The following TTC7B variants were observed in gnomAD, a reference collection of about 807,000 sequenced individuals.
TTC7B encodes tetratricopeptide repeat domain 7B, also known as tetratricopeptide repeat protein 7B.
TTC7B carries 28 observed loss-of-function variants against 106.8 expected under a neutral mutation model. The ratio of observed to expected loss-of-function variants is 0.26; its 90% CI spans 0.19 to 0.36. TTC7B has a LOEUF of 0.36. Ranked by LOEUF, TTC7B falls within the 10% of genes least tolerant of loss-of-function variation. TTC7B has a pLI of 1.00. For synonymous variants in TTC7B, 405 were observed against 430.6 expected, an observed-to-expected ratio of 0.94 and a Z score of 0.74; for missense variants, 862 against 1,076.4, an observed-to-expected ratio of 0.80 and a Z score of 2.79.
At chr14:90,623,196 C>T (rs1187931555) in intron 15 of TTC7B, among the ~76,000 whole-genome samples, 1 of 152,138 alleles carries the variant, frequency 6.6e-6, no homozygotes, top group Non-Finnish European at 1.5e-5. Flanking sequence ...AAATCATAAG[C>T]TACAAGCCAG....
chr14:90,585,680 C>T (rs117807673), intron 18 of TTC7B: 3,716 of 152,496 alleles, frequency 0.024, 57 homozygotes, highest in Non-Finnish European at 0.037. Flanking sequence ...CCCTACGCAG[C>T]TCCGCACATC....
intron 18 of TTC7B, 141 bp downstream of exon 18, chr14:90,593,345 G>C: frequency 8.0e-7 from 1 of 1,243,002 alleles, no homozygotes; most frequent in Non-Finnish European, 1.1e-6. Flanking sequence ...TTTGGTGCAT[G>C]GCCGTGAAGC....
rs151279829 is a variant in TTC7B, at chr14:90,708,010, G to A, written c.699-12432C>T. On this transcript the variant is annotated intron_variant, in intron 5 of 19. Coordinates refer to ENST00000328459, the MANE Select transcript of TTC7B (RefSeq NM_001010854.2). ...AAATACAAAAAATTAGCCAGGCGTGGTGATGGGTGCCTGTAATCCCAGCTA... is the reference window on the plus strand; with the variant it reads ...AAATACAAAAAATTAGCCAGGCGTGATGATGGGTGCCTGTAATCCCAGCTA... Among the ~76,000 whole-genome samples the A allele has an allele frequency of 6.3e-3, 959 of 152,130 alleles. 4 individuals carry two copies. Among genetic ancestry groups the A allele is most frequent in the Non-Finnish European group, 9.9e-3 (672 of 67,986 alleles).
At chr14:90,611,849 T>C (rs1269127080) in intron 16 of TTC7B, among the ~76,000 whole-genome samples, 1 of 152,236 alleles carries the variant, frequency 6.6e-6, no homozygotes, top group Non-Finnish European at 1.5e-5. Context: ...TGTATCGTGA[T>C]ATCCTATCAA....
intron 15 of TTC7B, among the ~76,000 whole-genome samples, chr14:90,625,197 A>G (rs1447562569): frequency 6.6e-6 from 1 of 152,230 alleles, no homozygotes; most frequent in Admixed American, 6.5e-5. Flanking sequence ...TGGTAAGAGA[A>G]GTCAAAAGAG....
chr14:90,556,184 G>A (rs369528974), intron 19 of TTC7B, among the ~76,000 whole-genome samples: 42 of 152,366 alleles, frequency 2.8e-4, no homozygotes, highest in African/African-American at 8.2e-4. Flanking sequence ...TGGGGGCCCC[G>A]TGGGGGCGGA....
chr14:90,714,120 C>T (rs147699625), intron 5 of TTC7B, among the ~76,000 whole-genome samples: 375 of 152,134 alleles, frequency 2.5e-3, no homozygotes, highest in Non-Finnish European at 4.7e-3. Flanking sequence ...ATCCCAGCTA[C>T]TTGGGAGGCT....
rs1419732477 is a variant in TTC7B at position 90,808,189 on chromosome 14, T to A, written c.121+7986A>T. Among the ~76,000 whole-genome samples, 1 of 152,322 alleles carries A rather than the reference T, an allele frequency of 6.6e-6. No individual in the cohort carries two copies. Among genetic ancestry groups the A allele is most frequent in the Middle Eastern group, 3.4e-3 (1 of 294 alleles). On this transcript the variant is annotated intron_variant, in intron 1 of 19. Transcript: ENST00000328459. This position sits in a 1 kb window ranked among gnomAD's most constrained non-coding sequence, Gnocchi z 4.2. ...GGCTGGGCACAGTGGCTCACGCCTG[T>A]AATCCCAGCACTTTGGGAGGCCGAG...
intron 2 of TTC7B, 143 bp downstream of exon 2, chr14:90,786,031 C>A (rs1001044064): frequency 1.0e-6 from 1 of 1,000,836 alleles, no homozygotes; most frequent in Non-Finnish European, 1.3e-6. Flanking sequence ...ATCCACCCAA[C>A]TGGGAGCTGG....
At position 90,578,279 on chromosome 14, in the gene TTC7B, C is replaced by T. The variant is rs556422393; in HGVS notation, c.2137G>A (p.Ala713Thr). 3 of 1,614,160 alleles carry T rather than the reference C, an allele frequency of 1.9e-6. No homozygotes were observed. The highest frequency in any genetic ancestry group is 2.2e-5 in the South Asian group (2 of 91,046). The change falls in exon 19 of 20, where the codon GCA becomes ACA. Residue 713 changes from alanine to threonine, a missense_variant. Coordinates refer to ENST00000328459, the MANE Select transcript of TTC7B (RefSeq NM_001010854.2). This position sits in a 1 kb window ranked among gnomAD's most constrained non-coding sequence, Gnocchi z 4.7. ...TCTTGGGTACAGGCTGTGGCTTCTGCAGGCTTCCCGATGCCGATATAGACT... is the reference window on the plus strand; with the variant it reads ...TCTTGGGTACAGGCTGTGGCTTCTGTAGGCTTCCCGATGCCGATATAGACT... ...AEVYIGIGKP[A>T]EATACTQEAA...
intron 11 of TTC7B, among the ~76,000 whole-genome samples, chr14:90,656,846 G>A (rs1315428507): frequency 6.6e-6 from 1 of 152,208 alleles, no homozygotes; most frequent in Non-Finnish European, 1.5e-5. Context: ...ATTCAGTGAC[G>A]TGTCTCTTCT....
At chr14:90,771,959 ATAT>A (rs1238770272) in intron 3 of TTC7B, among the ~76,000 whole-genome samples, 2 of 140,700 alleles carry the variant, frequency 1.4e-5, no homozygotes, top group African/African-American at 5.7e-5. Flanking sequence ...TTATATAAAT[ATAT>A]AATTATATAT....
intron 1 of TTC7B, among the ~76,000 whole-genome samples, chr14:90,812,704 A>G (rs2030964445): frequency 6.6e-6 from 1 of 150,822 alleles, no homozygotes; most frequent in Admixed American, 6.6e-5. Context: ...GTTCCACCAC[A>G]TTTGGGTTTT....
At chr14:90,697,880 C>G (rs1329133379) in intron 5 of TTC7B, 1 of 152,252 alleles carries the variant, frequency 6.6e-6, no homozygotes, top group Non-Finnish European at 1.5e-5. Flanking sequence ...AAGTTTTTCT[C>G]AAACTGTTTC....
intron 18 of TTC7B, among the ~76,000 whole-genome samples, chr14:90,589,212 C>A (rs1010846307): frequency 1.3e-5 from 2 of 152,124 alleles, no homozygotes; most frequent in African/African-American, 4.8e-5. Context: ...AGTACACACC[C>A]CTTCATCCAT....
intron 7 of TTC7B, among the ~76,000 whole-genome samples, chr14:90,685,946 T>A (rs549198731): frequency 6.6e-6 from 1 of 152,260 alleles, no homozygotes; most frequent in East Asian, 1.9e-4. Flanking sequence ...ATACCAATTC[T>A]CCACAAACTC....
Position 90,657,372 on chromosome 14 carries a change from T to G in TTC7B, c.1237-94A>C, listed in dbSNP as rs1566821981. 4 of 1,210,466 alleles carry G rather than the reference T, an allele frequency of 3.3e-6. No homozygotes were observed. In the East Asian group the frequency reaches 7.5e-5, roughly 23 times the overall value. The allele number at this position is 1,210,466 out of a possible 1,614,324, so 75.0% of individuals were successfully genotyped here. A position where few individuals can be genotyped will look rare whatever the true frequency, so the allele number is the denominator to read the frequency against. ...AGAGGGGTTTTTGGTCAGGGTGACC[T>G]CCTCGTGGGCTTGTCCAACTTTAAG... On this transcript the variant is annotated intron_variant, in intron 10 of 19. Coordinates refer to ENST00000328459, the MANE Select transcript of TTC7B (RefSeq NM_001010854.2). This position sits in a 1 kb window ranked among gnomAD's most constrained non-coding sequence, Gnocchi z 4.2.
At chr14:90,635,136 C>G (rs182069515) in intron 15 of TTC7B, among the ~76,000 whole-genome samples, 2 of 152,300 alleles carry the variant, frequency 1.3e-5, no homozygotes, top group Admixed American at 1.3e-4. Context: ...TGAAAAACTT[C>G]TTTGGACAGC....
At chr14:90,753,704 G>A (rs1482046485) in intron 3 of TTC7B, among the ~76,000 whole-genome samples, 2 of 152,192 alleles carry the variant, frequency 1.3e-5, no homozygotes, top group Non-Finnish European at 2.9e-5. Context: ...CTCTTGGCTG[G>A]GAGCCACAGT....
Sources: gnomAD v4.1 joint callset for allele counts (sites outside exome capture counted in the v4.1 genomes callset) on GRCh38, gnomAD v4.1.1 for gene constraint, Gnocchi (gnomAD v3.1) non-coding constraint, MANE v1.5 for transcripts, NCBI Gene and HGNC (gene_info 2026-07-23, HGNC 2026-07-21) for gene names.